The following ZNF157 variants were observed in gnomAD, a reference collection of about 807,000 sequenced individuals.
ZNF157 encodes zinc finger protein 157, also known as zinc finger protein 22.
In ZNF157, 8 loss-of-function variants were observed where a neutral mutation model predicts 9.4. The ratio of observed to expected loss-of-function variants is 0.85; its 90% CI spans 0.50 to 1.53. The LOEUF is 1.53. ZNF157 is among the 40% of genes most tolerant of loss of function. ZNF157 has a pLI of 0.00. For synonymous variants in ZNF157, 120 were observed against 130.8 expected (o/e 0.92, Z 0.56); for missense variants, 316 against 385.2 (o/e 0.82, Z 1.50).
Position 47,413,763 on chromosome X carries a change from A to C in ZNF157, c.*169A>C, listed in dbSNP as rs528974959. The stretch of plus-strand genomic sequence containing the variant: ...TTTCCCTAATTAGTGGTGTGTGAAC[A>C]TCTTATCTGTTGATTGGCTATTTGG... On this transcript the variant is annotated 3_prime_UTR_variant, in exon 4 of 4. Transcript: ENST00000377073. 1.2e-6 allele frequency: 1 copy of C among 816,797 alleles called. No homozygotes were observed. Among genetic ancestry groups the C allele is most frequent in the South Asian group, 4.4e-5 (1 of 22,538 alleles). 67.3% of individuals were successfully genotyped at this position (816,797 alleles called of 1,213,427 possible).
At chrX:47,389,985 AT>A in intron 1 of ZNF157, 1 of 113,168 alleles carries the variant, frequency 8.8e-6, no homozygotes. Flanking sequence ...CATTCCACGT[AT>A]TTTCATCTTT....
intron 1 of ZNF157, among the ~76,000 whole-genome samples, chrX:47,403,317 A>G (rs1371250917): frequency 1.8e-5 from 2 of 110,541 alleles, no homozygotes; most frequent in Non-Finnish European, 3.8e-5. Context: ...GTCTTGTACT[A>G]TAATACCCCA....
At chrX:47,394,061 C>G (rs2055906273) in intron 1 of ZNF157, among the ~76,000 whole-genome samples, 1 of 108,350 alleles carries the variant, frequency 9.2e-6, no homozygotes, top group African/African-American at 3.4e-5. Context: ...CTCCCAGGTT[C>G]ACACCATTCT....
chrX:47,387,666 G>C (rs1302129589), intron 1 of ZNF157, among the ~76,000 whole-genome samples: 1 of 109,292 alleles, frequency 9.1e-6, no homozygotes, highest in Non-Finnish European at 1.9e-5. Flanking sequence ...TGTAATCCCA[G>C]CACTTTGGGA....
At chrX:47,385,116 A>G (rs1306485733) in intron 1 of ZNF157, among the ~76,000 whole-genome samples, 1 of 111,732 alleles carries the variant, frequency 8.9e-6, no homozygotes, top group African/African-American at 3.2e-5. Flanking sequence ...GGATGTCCCA[A>G]TGGCGTCCAT....
chrX:47,373,747 C>T (rs2055835441), intron 1 of ZNF157, among the ~76,000 whole-genome samples: 1 of 106,536 alleles, frequency 9.4e-6, no homozygotes, highest in African/African-American at 3.4e-5. Flanking sequence ...CTCTGTCGCC[C>T]AGGCTGGAGT....
intron 1 of ZNF157, among the ~76,000 whole-genome samples, chrX:47,383,532 C>T (rs1569257193): frequency 3.0e-5 from 3 of 99,916 alleles, no homozygotes; most frequent in Non-Finnish European, 2.0e-5. Flanking sequence ...CCCATCTCTA[C>T]AAAAAAAAAA....
intron 1 of ZNF157, among the ~76,000 whole-genome samples, chrX:47,379,864 G>A (rs1392364886): frequency 9.2e-6 from 1 of 108,779 alleles, no homozygotes; most frequent in Non-Finnish European, 1.9e-5. Context: ...ATATTTCTAG[G>A]TTCTCTATTC....
chrX:47,395,729 C>T (rs1294335467), intron 1 of ZNF157, among the ~76,000 whole-genome samples: 1 of 111,659 alleles, frequency 9.0e-6, no homozygotes, highest in Non-Finnish European at 1.9e-5. Context: ...CTTTGGGAGG[C>T]CGAGGTGGGA....
intron 1 of ZNF157, among the ~76,000 whole-genome samples, chrX:47,403,679 G>T (rs1338477227): frequency 9.0e-6 from 1 of 111,094 alleles, no homozygotes; most frequent in Non-Finnish European, 1.9e-5. Context: ...GTTATATCAA[G>T]AACCAGGAAC....
At chrX:47,371,284 C>G (rs2147398058) in intron 1 of ZNF157, among the ~76,000 whole-genome samples, 1 of 109,009 alleles carries the variant, frequency 9.2e-6, no homozygotes, top group South Asian at 4.1e-4. Context: ...TTGCAGTAAG[C>G]CAAGATCGTG....
intron 1 of ZNF157, among the ~76,000 whole-genome samples, chrX:47,393,734 T>G (rs867778948): frequency 4.6e-5 from 1 of 21,610 alleles, no homozygotes; most frequent in Non-Finnish European, 8.0e-5. Flanking sequence ...CCCGCCACCC[T>G]CCCCCGCCCT....
At chrX:47,379,475 C>T (rs1160207120) in intron 1 of ZNF157, among the ~76,000 whole-genome samples, 16 of 102,504 alleles carry the variant, frequency 1.6e-4, no homozygotes, top group African/African-American at 5.0e-4. Flanking sequence ...GGCTGGAGTG[C>T]GGTGGTGCGA....
At chrX:47,404,283 G>A (rs981455576) in intron 1 of ZNF157, among the ~76,000 whole-genome samples, 3 of 109,020 alleles carry the variant, frequency 2.8e-5, no homozygotes, top group Admixed American at 9.9e-5. Context: ...CTGCCCCCTC[G>A]GCCTCCCTGT....
At chrX:47,372,838 G>A (rs769979004) in intron 1 of ZNF157, among the ~76,000 whole-genome samples, 8 of 110,215 alleles carry the variant, frequency 7.3e-5, no homozygotes, top group South Asian at 3.9e-4. Flanking sequence ...GGGAGAGGCC[G>A]GAGAATTGCT....
chrX:47,380,771 TC>T (rs2055859177), intron 1 of ZNF157, among the ~76,000 whole-genome samples: 1 of 80,432 alleles, frequency 1.2e-5, no homozygotes, highest in South Asian at 5.8e-4. Flanking sequence ...TTATTATTTT[TC>T]TTTTTTTTTT....
intron 1 of ZNF157, among the ~76,000 whole-genome samples, chrX:47,386,441 T>G (rs1475669052): frequency 9.0e-6 from 1 of 111,392 alleles, no homozygotes; most frequent in African/African-American, 3.3e-5. Context: ...GTTATATAAA[T>G]GAAAGTATAC....
intron 1 of ZNF157, among the ~76,000 whole-genome samples, chrX:47,392,665 A>G (rs887282295): frequency 8.9e-6 from 1 of 111,952 alleles, no homozygotes; most frequent in Non-Finnish European, 1.9e-5. Flanking sequence ...TTAATGCATT[A>G]CGGCATCAGT....
At chrX:47,389,620 G>T (rs991488489) in intron 1 of ZNF157, among the ~76,000 whole-genome samples, 15 of 112,096 alleles carry the variant, frequency 1.3e-4, no homozygotes, top group Non-Finnish European at 2.4e-4. Flanking sequence ...CAGGATGAAG[G>T]GCGGGCACAG....
Sources: gnomAD v4.1 joint callset for allele counts (sites outside exome capture counted in the v4.1 genomes callset) on GRCh38, gnomAD v4.1.1 for gene constraint, MANE v1.5 for transcripts, NCBI Gene and HGNC (gene_info 2026-07-23, HGNC 2026-07-21) for gene names.